MYO1E: variants seen among roughly 807,000 people sequenced by gnomAD.
MYO1E encodes myosin IE.
Under a neutral mutation model 151.1 loss-of-function variants are expected in MYO1E, and 68 were observed. That is an observed-to-expected ratio of 0.45 (90% CI 0.37 to 0.55). MYO1E has a LOEUF of 0.55. MYO1E is among the 20% of genes least tolerant of loss of function. MYO1E has a pLI of 0.00. For missense variants in MYO1E, 1,363 were observed against 1,389.3 expected, an observed-to-expected ratio of 0.98 and a Z score of 0.30; for synonymous variants, 601 against 501.7, an observed-to-expected ratio of 1.20 and a Z score of -2.64.
chr15:59,251,803 T>C (rs1414233618), intron 4 of MYO1E, among the ~76,000 whole-genome samples: 4 of 152,150 alleles, frequency 2.6e-5, no homozygotes, highest in African/African-American at 9.7e-5. Flanking sequence ...AAATTGTAAA[T>C]GAAATAAATG....
chr15:59,278,696 T>A (rs1198407938), intron 1 of MYO1E, among the ~76,000 whole-genome samples: 1 of 152,114 alleles, frequency 6.6e-6, no homozygotes, highest in Non-Finnish European at 1.5e-5. Context: ...CAGAGTACAA[T>A]ATGAGGAAAA....
chr15:59,161,174 C>T lies in MYO1E; in HGVS notation c.2684G>A (p.Arg895Gln), dbSNP rs2079536117. 10 of 1,614,042 alleles carry T rather than the reference C, an allele frequency of 6.2e-6. No homozygotes were observed. Among genetic ancestry groups the T allele is most frequent in the Non-Finnish European group, 6.8e-6 (8 of 1,180,000 alleles). The part of the protein sequence containing the change: ...NWGPWSAGGS[R>Q]QVQFHQGFGD... ...AAACCCTTGGTGGAACTGCACTTGC[C>T]GGGAGCCCCCTGCACTCCAGGGGCC... The change falls in exon 24 of 28, where the codon CGG becomes CAG. Residue 895 changes from arginine (R) to glutamine (Q), a missense_variant. Coordinates refer to ENST00000288235, the MANE Select transcript of MYO1E (RefSeq NM_004998.4).
chr15:59,365,838 C>T (rs1338548183), intron 1 of MYO1E, among the ~76,000 whole-genome samples: 2 of 152,166 alleles, frequency 1.3e-5, no homozygotes, highest in Non-Finnish European at 2.9e-5. Context: ...GCTAATTGTT[C>T]CGCCTTTGAG....
chr15:59,137,507 C>T lies in MYO1E; in HGVS notation c.3251-51G>A, dbSNP rs762034454. ...GTGAAGATGAGAAAGTCTGTTCTGCCCCAGCCACACACACTCCGCTCCCAT... is the reference window on the plus strand; with the variant it reads ...GTGAAGATGAGAAAGTCTGTTCTGCTCCAGCCACACACACTCCGCTCCCAT... On this transcript the variant is annotated intron_variant, in intron 27 of 27. Transcript: ENST00000288235. 1.9e-5 allele frequency: 27 copies of T among 1,437,952 alleles called. No homozygotes were observed. In the African/African-American group the frequency reaches 2.7e-4, roughly 14 times the overall value. The allele number at this position is 1,437,952 out of a possible 1,614,324, so 89.1% of individuals were successfully genotyped here.
chr15:59,206,531 C>G (rs1452974319), intron 14 of MYO1E, among the ~76,000 whole-genome samples: 13 of 152,214 alleles, frequency 8.5e-5, no homozygotes, highest in Admixed American at 1.3e-4. Context: ...AAGCATAGAG[C>G]CCTATCCTTC....
chr15:59,180,845 T>A (rs1278052834), intron 18 of MYO1E, among the ~76,000 whole-genome samples: 3 of 152,240 alleles, frequency 2.0e-5, no homozygotes, highest in Admixed American at 1.3e-4. Context: ...TGTGATAATT[T>A]TGGACAGATG....
rs568763100 is a variant in MYO1E at position 59,251,136 on chromosome 15, G to A, written c.332+5148C>T. ...AATACCTCCTGCCTCTCTAGTAGTC[G>A]GTGACCTCCGCTTAGTATCAAACAG... is the stretch of plus-strand genomic sequence containing the variant. On this transcript the variant is annotated intron_variant, in intron 4 of 27. Coordinates refer to ENST00000288235, the MANE Select transcript of MYO1E (RefSeq NM_004998.4). 2.8e-4 allele frequency among the ~76,000 whole-genome samples: 42 copies of A among 152,202 alleles called. 1 individual carries two copies. The highest frequency in any genetic ancestry group is 9.4e-4 in the African/African-American group (39 of 41,544).
intron 1 of MYO1E, among the ~76,000 whole-genome samples, chr15:59,283,434 C>T (rs1183167712): frequency 6.6e-6 from 1 of 152,124 alleles, no homozygotes; most frequent in Non-Finnish European, 1.5e-5. Context: ...CAGGCATCAT[C>T]TTGCTAAGAA....
In MYO1E at chr15:59,293,460, C is replaced by G. The variant is rs139003483; in HGVS notation, c.4-21011G>C. 4.8e-4 allele frequency among the ~76,000 whole-genome samples: 73 copies of G among 151,816 alleles called. 1 individual carries two copies. The Middle Eastern group carries it at 0.034, about 71-fold the overall frequency. ...ACTTGGGAGACCAAGGCAGGAGAATCGCTTGAACCTGGGAGGTGGAGGTTG... is the reference window on the plus strand; with the variant it reads ...ACTTGGGAGACCAAGGCAGGAGAATGGCTTGAACCTGGGAGGTGGAGGTTG... On this transcript the variant is annotated intron_variant, in intron 1 of 27. Coordinates refer to ENST00000288235, the MANE Select transcript of MYO1E (RefSeq NM_004998.4).
chr15:59,221,699 C>G (rs1001878757), intron 9 of MYO1E, among the ~76,000 whole-genome samples: 6 of 152,322 alleles, frequency 3.9e-5, no homozygotes, highest in South Asian at 2.1e-4. Context: ...AGTGCTCGGC[C>G]TTACCCATCT....
chr15:59,310,615 C>A (rs1194288207), intron 1 of MYO1E, among the ~76,000 whole-genome samples: 1 of 152,090 alleles, frequency 6.6e-6, no homozygotes, highest in Admixed American at 6.6e-5. Flanking sequence ...GGTCCTGATG[C>A]CCATGCTGAT....
At chr15:59,179,495 T>G (rs111942448) in intron 18 of MYO1E, among the ~76,000 whole-genome samples, 1,752 of 152,270 alleles carry the variant, frequency 0.012, 41 homozygotes, top group African/African-American at 0.04. Flanking sequence ...TCCTGGCTAA[T>G]GCGGATGGGT....
intron 3 of MYO1E, among the ~76,000 whole-genome samples, chr15:59,256,930 G>A (rs945365241): frequency 6.6e-5 from 10 of 152,182 alleles, no homozygotes; most frequent in Non-Finnish European, 1.2e-4. Flanking sequence ...AAGAGGGCAA[G>A]AAGGTGTGGT....
intron 4 of MYO1E, among the ~76,000 whole-genome samples, chr15:59,245,430 C>A (rs1312541808): frequency 6.6e-6 from 1 of 152,214 alleles, no homozygotes; most frequent in Admixed American, 6.5e-5. Context: ...TGAAAACTCT[C>A]TTACTCAATC....
chr15:59,362,870 A>G (rs1303356566), intron 1 of MYO1E, among the ~76,000 whole-genome samples: 1 of 152,200 alleles, frequency 6.6e-6, no homozygotes, highest in Non-Finnish European at 1.5e-5. Flanking sequence ...TGTATTCTGT[A>G]ATGTATTTAA....
At position 59,331,966 on chromosome 15, in the gene MYO1E, C is replaced by T. The variant is rs142537984; in HGVS notation, c.3+40532G>A. On this transcript the variant is annotated intron_variant, in intron 1 of 27. Coordinates refer to ENST00000288235, the MANE Select transcript of MYO1E (RefSeq NM_004998.4). Reference sequence around the variant, plus strand: ...AAGACTAATTTCACAGTAAGGGTAACGTGAGGCTACTACAAGTGGAATGAA... The same window carrying T: ...AAGACTAATTTCACAGTAAGGGTAATGTGAGGCTACTACAAGTGGAATGAA... Among the ~76,000 whole-genome samples, 251 of 152,248 alleles carry T rather than the reference C, an allele frequency of 1.6e-3. 1 individual carries two copies. The Middle Eastern group carries it at 0.027, about 17-fold the overall frequency.
rs57488716 is a variant in MYO1E, at chr15:59,236,352, GA to G, written c.420+232del. ...CAGAGCAAGACTCTGTCTCAAAAAA[GA>G]AAAAAAAAAAATATATACACACACA... On this transcript the variant is annotated intron_variant, in intron 5 of 27. Coordinates refer to ENST00000288235, the MANE Select transcript of MYO1E (RefSeq NM_004998.4). 0.27 allele frequency among the ~76,000 whole-genome samples: 31,915 copies of G among 116,910 alleles called. 5,027 individuals carry two copies. Among genetic ancestry groups the G allele is most frequent in the African/African-American group, 0.37 (11,371 of 30,376 alleles). 76.7% of individuals were successfully genotyped at this position (116,910 alleles called of 152,430 possible).
Position 59,178,479 on chromosome 15 carries a change from C to A in MYO1E, c.1963G>T (p.Val655Phe), listed in dbSNP as rs748971162. The A allele has an allele frequency of 1.9e-6, 3 of 1,614,178 alleles. No homozygotes were observed. In the African/African-American group the frequency reaches 4.0e-5, roughly 22 times the overall value. Residue 655 changes from valine to phenylalanine, a missense_variant, in exon 19 of 28, where the codon GTC becomes TTC. By Grantham distance (50) the Val-to-Phe change is conservative. Coordinates refer to ENST00000288235, the MANE Select transcript of MYO1E (RefSeq NM_004998.4). Reference sequence around the variant, plus strand: ...TTGACCGACTGCAGCAGGTGCAGGACGCCTTGCTTCTCCTCTCCCTGCCAA... The same window carrying A: ...TTGACCGACTGCAGCAGGTGCAGGAAGCCTTGCTTCTCCTCTCCCTGCCAA... ...PSWQGEEKQG[V>F]LHLLQSVNMD... is the part of the protein sequence containing the mutation.
intron 12 of MYO1E, 53 bp from the exon 13 acceptor site, chr15:59,210,653 G>A (rs752376051): frequency 2.3e-6 from 3 of 1,293,128 alleles, no homozygotes; most frequent in Non-Finnish European, 3.4e-6. Context: ...CAAGAGCTCT[G>A]CACGGACAGA....
Sources: allele counts gnomAD v4.1 joint callset (sites outside exome capture counted in the v4.1 genomes callset), GRCh38; gene constraint gnomAD v4.1.1; transcripts MANE v1.5; gene names NCBI Gene and HGNC (gene_info 2026-07-23, HGNC 2026-07-21).